Variants in NHS observed in about 807,000 individuals in gnomAD.
The protein encoded by NHS is actin remodeling regulator NHS.
In NHS, 5 loss-of-function variants were observed where a neutral mutation model predicts 72.5. The observed-to-expected ratio is 0.07, with a 90% CI of 0.04 to 0.14. The LOEUF is 0.14. NHS is among the 10% of genes least tolerant of loss of function. The probability of loss-of-function intolerance (pLI) is 1.00; values close to 1 mark genes in which losing one functional copy is unlikely to be tolerated. For missense variants in NHS, 1,072 were observed against 1,355.7 expected, an observed-to-expected ratio of 0.79 and a Z score of 3.29; for synonymous variants, 464 against 547.7, an observed-to-expected ratio of 0.85 and a Z score of 2.13.
At chrX:17,685,166 C>T (rs113125516) in intron 1 of NHS, among the ~76,000 whole-genome samples, 3,503 of 111,441 alleles carry the variant, frequency 0.031, 156 homozygotes, top group African/African-American at 0.11. Flanking sequence ...GTCTGCCTGC[C>T]TCTAGTGGAC....
intron 1 of NHS, among the ~76,000 whole-genome samples, chrX:17,479,001 C>T (rs2064933791): frequency 9.0e-6 from 1 of 111,438 alleles, no homozygotes; most frequent in Non-Finnish European, 1.9e-5. Flanking sequence ...GTTTGCTGCA[C>T]CCACCAACCC....
intron 1 of NHS, among the ~76,000 whole-genome samples, chrX:17,497,500 G>A (rs1305578696): frequency 9.0e-6 from 1 of 111,312 alleles, no homozygotes; most frequent in Non-Finnish European, 1.9e-5. Flanking sequence ...TTTCTCCCAC[G>A]CCTGCTTTCT....
At chrX:17,541,104 C>T (rs924946709) in intron 1 of NHS, among the ~76,000 whole-genome samples, 1 of 112,174 alleles carries the variant, frequency 8.9e-6, no homozygotes, top group African/African-American at 3.2e-5. Context: ...TTATTATGTA[C>T]TCCTTGCCTT....
intron 1 of NHS, among the ~76,000 whole-genome samples, chrX:17,563,034 C>A (rs1248395270): frequency 1.8e-5 from 2 of 112,109 alleles, no homozygotes; most frequent in African/African-American, 6.5e-5. Context: ...TGCTTCTGTG[C>A]CATGGTTTGT....
At chrX:17,712,253 G>GTGTATA (rs1465304467) in intron 3 of NHS, among the ~76,000 whole-genome samples, 27 of 50,139 alleles carry the variant, frequency 5.4e-4, no homozygotes, top group African/African-American at 1.1e-3. Context: ...TTGTGTGTGT[G>GTGTATA]TATATATATA....
chrX:17,698,749 T>C (rs930003075), intron 3 of NHS, among the ~76,000 whole-genome samples: 2 of 111,306 alleles, frequency 1.8e-5, no homozygotes, highest in African/African-American at 6.5e-5. Context: ...CTGTGACCAA[T>C]GGGATTTATT....
chrX:17,544,664 C>T, intron 1 of NHS, among the ~76,000 whole-genome samples: 1 of 111,559 alleles, frequency 9.0e-6, no homozygotes, highest in African/African-American at 3.3e-5. Context: ...AGGCACCCAC[C>T]ACCATGCCTA....
intron 1 of NHS, among the ~76,000 whole-genome samples, chrX:17,421,226 C>CGTGT (rs773736556): frequency 1.0e-5 from 1 of 99,691 alleles, no homozygotes; most frequent in African/African-American, 3.9e-5. Context: ...AGCAGCTCTA[C>CGTGT]GTGTGTGTGT....
intron 1 of NHS, among the ~76,000 whole-genome samples, chrX:17,570,904 CT>C: frequency 8.9e-6 from 1 of 112,042 alleles, no homozygotes; most frequent in East Asian, 2.8e-4. Context: ...TGTCGAAGGC[CT>C]TTTCTGAATC....
At chrX:17,723,351 A>G (rs970562013) in intron 5 of NHS, among the ~76,000 whole-genome samples, 2 of 112,095 alleles carry the variant, frequency 1.8e-5, no homozygotes, top group African/African-American at 6.5e-5. Flanking sequence ...CTCACTTTGA[A>G]AAATCCATGG....
At chrX:17,590,119 C>G (rs2065595968) in intron 1 of NHS, among the ~76,000 whole-genome samples, 1 of 111,635 alleles carries the variant, frequency 9.0e-6, no homozygotes, top group African/African-American at 3.3e-5. Context: ...TTGGTGATCC[C>G]CAGCATGGGT....
chrX:17,676,443 G>A (rs964353634), intron 1 of NHS, among the ~76,000 whole-genome samples: 11 of 112,268 alleles, frequency 9.8e-5, no homozygotes, highest in Non-Finnish European at 1.3e-4. Flanking sequence ...TGATACTCAC[G>A]GTCTTCCCTG....
intron 2 of NHS, among the ~76,000 whole-genome samples, chrX:17,690,937 T>G (rs1414172779): frequency 8.9e-6 from 1 of 111,764 alleles, no homozygotes; most frequent in East Asian, 2.8e-4. Flanking sequence ...ATTTTATATT[T>G]CCTTTCCTTT....
intron 1 of NHS, among the ~76,000 whole-genome samples, chrX:17,503,569 G>T (rs1164523636): frequency 9.0e-6 from 1 of 111,428 alleles, no homozygotes; most frequent in Non-Finnish European, 1.9e-5. Flanking sequence ...AAAATGCTGG[G>T]GTTTGAACCT....
At chrX:17,629,405 G>C (rs1225663032) in intron 1 of NHS, among the ~76,000 whole-genome samples, 2 of 111,911 alleles carry the variant, frequency 1.8e-5, no homozygotes, top group African/African-American at 3.2e-5. Context: ...AACCAAAATG[G>C]CAACACTTCC....
chrX:17,416,784 G>A (rs1044708640), intron 1 of NHS, among the ~76,000 whole-genome samples: 4 of 106,335 alleles, frequency 3.8e-5, no homozygotes, highest in Non-Finnish European at 7.7e-5. Flanking sequence ...TTAGGAAAAT[G>A]TAGGAGTATG....
At chrX:17,587,178 T>C (rs1454403975) in intron 1 of NHS, 1 of 112,694 alleles carries the variant, frequency 8.9e-6, no homozygotes, top group East Asian at 2.8e-4. Flanking sequence ...CTTAAGCTTC[T>C]TCCAAAAACA....
At chrX:17,504,289 A>G (rs1271486390) in intron 1 of NHS, among the ~76,000 whole-genome samples, 1 of 112,122 alleles carries the variant, frequency 8.9e-6, no homozygotes, top group East Asian at 2.8e-4. Context: ...ATCTGTGTAT[A>G]TATAGCTGTA....
At chrX:17,692,186 T>G in intron 2 of NHS, 149 bp from the exon 3 acceptor site, 3 of 712,167 alleles carry the variant, frequency 4.2e-6, no homozygotes, top group Non-Finnish European at 4.2e-6. Flanking sequence ...AAAACCATTC[T>G]GAAAATCTTA....
Sources: allele counts gnomAD v4.1 joint callset (sites outside exome capture counted in the v4.1 genomes callset), GRCh38; gene constraint gnomAD v4.1.1; transcripts MANE v1.5; gene names NCBI Gene and HGNC (gene_info 2026-07-23, HGNC 2026-07-21).